HLCS: variants seen among roughly 807,000 people sequenced by gnomAD.
HLCS encodes the protein holocarboxylase synthetase, also known as biotin--protein ligase.
In HLCS, 53 loss-of-function variants were observed where a neutral mutation model predicts 75.0. That is an observed-to-expected ratio of 0.71 (90% CI 0.57 to 0.89). The LOEUF (loss-of-function observed/expected upper bound fraction) is 0.89. Ranked by LOEUF, HLCS falls within the 40% of genes least tolerant of loss-of-function variation. The pLI is 0.00. For synonymous variants in HLCS, 431 were observed against 428.6 expected, an observed-to-expected ratio of 1.01 and a Z score of -0.07; for missense variants, 966 against 1,074.0, an observed-to-expected ratio of 0.90 and a Z score of 1.41.
chr21:36,883,473 C>G (rs1256773533), intron 6 of HLCS, among the ~76,000 whole-genome samples: 1 of 152,218 alleles, frequency 6.6e-6, no homozygotes, highest in East Asian at 1.9e-4. Flanking sequence ...GTCCAGGTGA[C>G]TGGTCAGACC....
intron 8 of HLCS, among the ~76,000 whole-genome samples, chr21:36,761,967 C>T (rs1215806707): frequency 1.3e-5 from 2 of 152,224 alleles, no homozygotes; most frequent in East Asian, 1.9e-4. Flanking sequence ...CAGATCTCCT[C>T]GGCTCATGAA....
chr21:36,850,551 G>A (rs1333033317), intron 6 of HLCS, among the ~76,000 whole-genome samples: 2 of 152,348 alleles, frequency 1.3e-5, no homozygotes, highest in East Asian at 3.9e-4. Flanking sequence ...CCCCAATTCA[G>A]CAGGGTGACG....
At chr21:36,960,857 A>G (rs1334903751) in intron 2 of HLCS, among the ~76,000 whole-genome samples, 1 of 152,210 alleles carries the variant, frequency 6.6e-6, no homozygotes, top group Non-Finnish European at 1.5e-5. Context: ...GATGACATCC[A>G]CCAAAAGCTT....
At chr21:36,763,799 G>A (rs879420878) in intron 8 of HLCS, among the ~76,000 whole-genome samples, 2 of 152,228 alleles carry the variant, frequency 1.3e-5, no homozygotes, top group South Asian at 2.1e-4. Context: ...AAAATGCTTC[G>A]GTCACTGAGC....
chr21:36,759,961 T>C (rs562250576), intron 8 of HLCS, 120 bp from the exon 9 acceptor site: 10 of 746,538 alleles, frequency 1.3e-5, no homozygotes, highest in African/African-American at 1.0e-4. Flanking sequence ...CTCTCCTCTT[T>C]TTCAGGCAGC....
At chr21:36,924,459 C>T (rs927425062) in intron 5 of HLCS, among the ~76,000 whole-genome samples, 2 of 152,108 alleles carry the variant, frequency 1.3e-5, no homozygotes, top group Admixed American at 1.3e-4. Flanking sequence ...ACTTGGGAGG[C>T]TGAGGCAGGA....
intron 6 of HLCS, among the ~76,000 whole-genome samples, chr21:36,778,628 T>C (rs371164887): frequency 6.6e-6 from 1 of 152,226 alleles, no homozygotes; most frequent in African/African-American, 2.4e-5. Flanking sequence ...TTCTGAACCA[T>C]CATTTCTTCC....
chr21:36,946,149 C>T (rs1018249469), intron 2 of HLCS: 50 of 979,244 alleles, frequency 5.1e-5, no homozygotes, highest in Middle Eastern at 5.2e-4. Context: ...TGGGCAAAAA[C>T]CGAACCTGGC....
intron 8 of HLCS, among the ~76,000 whole-genome samples, chr21:36,760,662 G>C (rs2089800462): frequency 6.6e-6 from 1 of 152,008 alleles, no homozygotes; most frequent in African/African-American, 2.4e-5. Context: ...ATTCACCTTA[G>C]CGAAAGCCTC....
intron 6 of HLCS, among the ~76,000 whole-genome samples, chr21:36,865,266 C>T (rs529827845): frequency 2.1e-4 from 32 of 152,018 alleles, no homozygotes; most frequent in African/African-American, 7.5e-4. Context: ...CCAGAATGCG[C>T]GCCAGTTTAA....
chr21:36,853,982 T>C (rs980976164), intron 6 of HLCS, among the ~76,000 whole-genome samples: 2 of 152,182 alleles, frequency 1.3e-5, no homozygotes, highest in African/African-American at 4.8e-5. Flanking sequence ...ATTAGTATAT[T>C]GTTCTATGGG....
At chr21:36,807,336 GAGGCCACATGCT>G (rs984830513) in intron 6 of HLCS, among the ~76,000 whole-genome samples, 2 of 152,202 alleles carry the variant, frequency 1.3e-5, no homozygotes, top group African/African-American at 2.4e-5. Flanking sequence ...GCTACGGAGG[GAGGCCACATGCT>G]AGGCCACATG....
chr21:36,966,476 C>G lies in HLCS; in HGVS notation c.163G>C (p.Gly55Arg), dbSNP rs1400808796. The G allele has an allele frequency of 4.1e-6, 4 of 984,834 alleles. No individual in the cohort carries two copies. Among genetic ancestry groups the G allele is most frequent in the Non-Finnish European group, 4.8e-6 (4 of 830,150 alleles). 61.0% of individuals were successfully genotyped at this position (984,834 alleles called of 1,614,324 possible). ...TCGCTGACGCAGAAGACGCGGCCGC[C>G]ACGGCTCAGGCACACGCGGGCGCCC... The part of the protein sequence containing the change: ...PPGARVCLSR[G>R]GRVFCVSDSQ... The change falls in exon 1 of 11, where the codon GGC becomes CGC. Residue 55 changes from glycine to arginine, a missense_variant. By Grantham distance (125) the Gly-to-Arg change is moderately radical. Transcript: ENST00000674895.
chr21:36,903,466 G>A (rs559796105), intron 5 of HLCS, among the ~76,000 whole-genome samples: 1 of 152,198 alleles, frequency 6.6e-6, no homozygotes, highest in African/African-American at 2.4e-5. Context: ...ATACATATAG[G>A]TGAATTAGGT....
Position 36,861,209 on chromosome 21 carries a change from C to G in HLCS, c.1892+35651G>C, listed in dbSNP as rs183722268. 2.0e-5 allele frequency among the ~76,000 whole-genome samples: 3 copies of G among 152,170 alleles called. No homozygotes were observed. The East Asian group carries it at 5.8e-4, about 29-fold the overall frequency. ...TCTACAGCCCAAATGAAGGCAACCACGAGAAAAATTCTGGACCCTACAATC... is the reference window on the plus strand; with the variant it reads ...TCTACAGCCCAAATGAAGGCAACCAGGAGAAAAATTCTGGACCCTACAATC... On this transcript the variant is annotated intron_variant, in intron 6 of 10. Transcript: ENST00000674895.
intron 6 of HLCS, among the ~76,000 whole-genome samples, chr21:36,841,128 A>G (rs1470800213): frequency 1.3e-5 from 2 of 152,192 alleles, no homozygotes; most frequent in Non-Finnish European, 2.9e-5. Context: ...TTTTGGAAGC[A>G]TTTAGTTCTT....
chr21:36,926,081 G>C (rs1601764546), intron 5 of HLCS, among the ~76,000 whole-genome samples: 1 of 152,096 alleles, frequency 6.6e-6, no homozygotes, highest in Non-Finnish European at 1.5e-5. Context: ...ATCGCACCCC[G>C]GACACCCCAC....
chr21:36,828,366 G>GGAATGAATGAATGAAT (rs55892136), intron 6 of HLCS, among the ~76,000 whole-genome samples: 10 of 151,064 alleles, frequency 6.6e-5, no homozygotes, highest in East Asian at 2.0e-4. Flanking sequence ...AGAAGTGTGT[G>GGAATGAATGAATGAAT]GAATGAATGA....
At chr21:36,764,722 AAAC>A (rs1183261793) in intron 8 of HLCS, among the ~76,000 whole-genome samples, 2 of 152,218 alleles carry the variant, frequency 1.3e-5, no homozygotes, top group African/African-American at 2.4e-5. Context: ...ATAAATAAAT[AAAC>A]AACAACAAAA....
Sources: allele counts gnomAD v4.1 joint callset (sites outside exome capture counted in the v4.1 genomes callset), GRCh38; gene constraint gnomAD v4.1.1; transcripts MANE v1.5; gene names NCBI Gene and HGNC (gene_info 2026-07-23, HGNC 2026-07-21).